Variants in EYS observed in about 807,000 individuals in gnomAD.
The protein encoded by EYS is protein eyes shut homolog.
A neutral mutation model predicts 282.1 loss-of-function variants in EYS; 250 were observed. The observed-to-expected ratio is 0.89, with a 90% CI of 0.80 to 0.98. EYS has a LOEUF of 0.98. Ranked by LOEUF, EYS falls within the 50% of genes least tolerant of loss-of-function variation. The pLI, the probability that EYS is intolerant of heterozygous loss-of-function variation, is 0.00. For synonymous variants in EYS, 1,355 were observed against 1,282.9 expected, an observed-to-expected ratio of 1.06 and a Z score of -1.20; for missense variants, 4,016 against 3,709.0, an observed-to-expected ratio of 1.08 and a Z score of -2.15.
intron 31 of EYS, among the ~76,000 whole-genome samples, chr6:64,186,400 A>G (rs941013707): frequency 6.6e-6 from 1 of 152,186 alleles, no homozygotes; most frequent in Non-Finnish European, 1.5e-5. Context: ...CATTAAGAAG[A>G]TTAAAACATT....
chr6:65,039,154 A>G (rs1772855788), intron 13 of EYS, among the ~76,000 whole-genome samples: 1 of 151,562 alleles, frequency 6.6e-6, no homozygotes, highest in Non-Finnish European at 1.5e-5. Flanking sequence ...TTTTACATAG[A>G]GAATGATGAT....
chr6:64,834,000 T>G (rs953690455), intron 19 of EYS, among the ~76,000 whole-genome samples: 1 of 151,858 alleles, frequency 6.6e-6, no homozygotes, highest in Non-Finnish European at 1.5e-5. Flanking sequence ...AGGGCCTTGA[T>G]GAAATTTAAG....
rs557564510 is a variant in EYS, at chr6:65,450,061, A to C, written c.862+40533T>G. On this transcript the variant is annotated intron_variant, in intron 5 of 42. Coordinates refer to ENST00000503581, the MANE Select transcript of EYS (RefSeq NM_001142800.2). The stretch of plus-strand genomic sequence containing the variant: ...CTGCCTTTTAAAGAAAGTGTGAAAA[A>C]CAAGATATGTGTCTAAATTTTACAC... Among the ~76,000 whole-genome samples, 421 of 152,274 alleles carry C rather than the reference A, an allele frequency of 2.8e-3. 2 individuals carry two copies. The highest frequency in any genetic ancestry group is 4.1e-3 in the Non-Finnish European group (276 of 68,006).
chr6:64,487,268 T>G (rs573226986), intron 26 of EYS, among the ~76,000 whole-genome samples: 1 of 151,306 alleles, frequency 6.6e-6, no homozygotes, highest in Non-Finnish European at 1.5e-5. Context: ...AGTTTATTAT[T>G]GCCAAAATGT....
chr6:64,558,781 C>T (rs1765311647), intron 26 of EYS, among the ~76,000 whole-genome samples: 1 of 152,084 alleles, frequency 6.6e-6, no homozygotes, highest in Admixed American at 6.6e-5. Context: ...GGAAAATTTG[C>T]TGTTAGTATG....
chr6:63,764,525 C>CGCCATCTA (rs1323732238), intron 40 of EYS, among the ~76,000 whole-genome samples: 3 of 151,770 alleles, frequency 2.0e-5, no homozygotes, highest in Non-Finnish European at 4.4e-5. Flanking sequence ...GTGACGATTG[C>CGCCATCTA]GCCATCTAGT....
chr6:64,808,612 C>T (rs1764506190), intron 22 of EYS, among the ~76,000 whole-genome samples: 1 of 151,846 alleles, frequency 6.6e-6, no homozygotes. Context: ...TATATCTAAT[C>T]TGGGTTTCTT....
chr6:64,847,990 T>A (rs1443111885), intron 19 of EYS, among the ~76,000 whole-genome samples: 1 of 152,028 alleles, frequency 6.6e-6, no homozygotes, highest in Non-Finnish European at 1.5e-5. Context: ...GCCATTCTGT[T>A]TTTGCATATT....
At chr6:64,369,474 CA>C (rs1441220384) in intron 29 of EYS, among the ~76,000 whole-genome samples, 2 of 152,090 alleles carry the variant, frequency 1.3e-5, no homozygotes, top group Non-Finnish European at 2.9e-5. Context: ...ATGGGAATAG[CA>C]TTTAATCTGT....
chr6:63,887,484 C>G (rs891101051), intron 35 of EYS, among the ~76,000 whole-genome samples: 3 of 151,878 alleles, frequency 2.0e-5, no homozygotes, highest in Non-Finnish European at 4.4e-5. Context: ...ACTGGTTAGA[C>G]AATGGGTACA....
intron 22 of EYS, among the ~76,000 whole-genome samples, chr6:64,738,744 G>A (rs775202304): frequency 6.6e-6 from 1 of 152,104 alleles, no homozygotes; most frequent in Non-Finnish European, 1.5e-5. Context: ...TGCAAAAAAG[G>A]AAAAAGACTC....
chr6:64,009,285 AT>A (rs35899013), intron 33 of EYS, among the ~76,000 whole-genome samples: 2,340 of 139,400 alleles, frequency 0.017, 37 homozygotes, highest in African/African-American at 0.049. Context: ...GAAATTCTCG[AT>A]TTTTTTTTTT....
At chr6:65,352,398 A>G (rs910310500) in intron 9 of EYS, among the ~76,000 whole-genome samples, 1 of 151,918 alleles carries the variant, frequency 6.6e-6, no homozygotes, top group Non-Finnish European at 1.5e-5. Context: ...AATACCATAT[A>G]GTCTTAAGAA....
intron 1 of EYS, among the ~76,000 whole-genome samples, chr6:65,669,124 T>C (rs1007673888): frequency 6.6e-6 from 1 of 151,990 alleles, no homozygotes; most frequent in African/African-American, 2.4e-5. Context: ...TAATCATTCA[T>C]GCAGATAGGA....
Position 64,703,423 on chromosome 6 carries a change from A to T in EYS, c.3444-77178T>A, listed in dbSNP as rs1562144123. On this transcript the variant is annotated intron_variant, in intron 22 of 42. Transcript: ENST00000503581. The stretch of plus-strand genomic sequence containing the variant: ...CACACACACACACATATATATATAT[A>T]TATATATTTTTTTTTTTTTTTTTTG... Among the ~76,000 whole-genome samples the T allele has an allele frequency of 8.0e-5, 2 of 25,108 alleles. 1 individual carries two copies. Among genetic ancestry groups the T allele is most frequent in the Non-Finnish European group, 2.2e-4 (2 of 9,032 alleles). 16.5% of individuals were successfully genotyped at this position (25,108 alleles called of 152,430 possible).
intron 36 of EYS, among the ~76,000 whole-genome samples, chr6:63,851,923 C>T (rs558987379): frequency 8.6e-5 from 13 of 151,940 alleles, no homozygotes; most frequent in Admixed American, 2.0e-4. Context: ...TTTGGGAGGC[C>T]GAGGCGGGCA....
At chr6:65,100,150 C>A (rs1182381736) in intron 12 of EYS, among the ~76,000 whole-genome samples, 3 of 150,706 alleles carry the variant, frequency 2.0e-5, no homozygotes, top group Non-Finnish European at 4.5e-5. Flanking sequence ...ACCTTTTGTG[C>A]GGACAGTTCA....
chr6:64,563,357 T>A (rs1443360029), intron 26 of EYS, among the ~76,000 whole-genome samples: 1 of 152,106 alleles, frequency 6.6e-6, no homozygotes. Context: ...AAAAGAATTC[T>A]TGGTCTTTAA....
At chr6:64,522,671 C>T (rs114141098) in intron 26 of EYS, among the ~76,000 whole-genome samples, 49 of 151,846 alleles carry the variant, frequency 3.2e-4, no homozygotes, top group African/African-American at 1.1e-3. Context: ...CTCTCATCTA[C>T]ATTATGTAGC....
Sources: gnomAD v4.1 joint callset for allele counts (sites outside exome capture counted in the v4.1 genomes callset) on GRCh38, gnomAD v4.1.1 for gene constraint, MANE v1.5 for transcripts, NCBI Gene and HGNC (gene_info 2026-07-23, HGNC 2026-07-21) for gene names.